The following TMEM26 variants were observed in gnomAD, a reference collection of about 807,000 sequenced individuals.
TMEM26 encodes the protein transmembrane protein 26.
Under a neutral mutation model 28.8 loss-of-function variants are expected in TMEM26, and 38 were observed. The ratio of observed to expected loss-of-function variants is 1.32; its 90% CI spans 1.02 to 1.73. The LOEUF is 1.73. TMEM26 is among the 40% of genes most tolerant of loss of function. TMEM26 has a pLI of 0.00. For missense variants in TMEM26, 518 were observed against 447.1 expected (o/e 1.16, Z -1.43); for synonymous variants, 227 against 182.9 (o/e 1.24, Z -1.95).
At chr10:61,421,713 TCA>T (rs1010108812) in intron 4 of TMEM26, among the ~76,000 whole-genome samples, 6 of 152,120 alleles carry the variant, frequency 3.9e-5, no homozygotes, top group Non-Finnish European at 2.9e-5. Context: ...AGATTCTTCT[TCA>T]GAGCCTCCAA....
chr10:61,451,981 G>T (rs1356126805), intron 1 of TMEM26, among the ~76,000 whole-genome samples: 1 of 100,940 alleles, frequency 9.9e-6, no homozygotes, highest in Non-Finnish European at 1.8e-5. Flanking sequence ...TATTTTTAAT[G>T]TATTGATATA....
At chr10:61,428,815 T>G in intron 4 of TMEM26, 111 bp downstream of exon 4, 1 of 909,424 alleles carries the variant, frequency 1.1e-6, no homozygotes, top group Non-Finnish European at 1.7e-6. Flanking sequence ...ACGTTGCATA[T>G]AAAATATACT....
intron 1 of TMEM26, among the ~76,000 whole-genome samples, chr10:61,451,287 G>A (rs57611437): frequency 6.6e-6 from 1 of 152,128 alleles, no homozygotes; most frequent in East Asian, 1.9e-4. Context: ...CACACAACAG[G>A]AATGTTTGAC....
At chr10:61,424,958 G>A (rs1296005437) in intron 4 of TMEM26, among the ~76,000 whole-genome samples, 1 of 152,140 alleles carries the variant, frequency 6.6e-6, no homozygotes, top group Admixed American at 6.5e-5. Context: ...AGAAATAAAT[G>A]TAAGAACTAA....
chr10:61,423,282 A>C (rs757932469), intron 4 of TMEM26, among the ~76,000 whole-genome samples: 3 of 152,206 alleles, frequency 2.0e-5, no homozygotes, highest in Non-Finnish European at 4.4e-5. Context: ...AAGAAGAAAT[A>C]AGACCAAACC....
intron 1 of TMEM26, among the ~76,000 whole-genome samples, chr10:61,451,482 C>T (rs1375010987): frequency 6.6e-6 from 1 of 152,166 alleles, no homozygotes. Flanking sequence ...TAAACCTACT[C>T]AGTCAAAGTT....
At chr10:61,434,632 C>A (rs1257967507) in intron 2 of TMEM26, among the ~76,000 whole-genome samples, 1 of 152,156 alleles carries the variant, frequency 6.6e-6, no homozygotes, top group African/African-American at 2.4e-5. Flanking sequence ...GTTACAAAAA[C>A]ACTTTTGCTA....
intron 3 of TMEM26, among the ~76,000 whole-genome samples, chr10:61,430,764 A>G (rs1178204284): frequency 6.6e-6 from 1 of 152,056 alleles, no homozygotes; most frequent in East Asian, 1.9e-4. Context: ...TAACAAACGC[A>G]CCACTGTGGT....
rs527927252 is a variant in TMEM26, at chr10:61,410,615, G to A, written c.814C>T (p.Arg272Cys). ...FIQDGPFLVV[R>C]LILMTYFKVI... ...TTGAAATAGGTCATCAGTATGAGACGCACGACAAGGAAGGGGCCATCTTGT... is the reference window on the plus strand; with the variant it reads ...TTGAAATAGGTCATCAGTATGAGACACACGACAAGGAAGGGGCCATCTTGT... The change falls in exon 6 of 6, where the codon CGT becomes TGT. Residue 272 changes from arginine to cysteine, a missense_variant. By Grantham distance (180) the Arg-to-Cys change is radical. Coordinates refer to ENST00000399298, the MANE Select transcript of TMEM26 (RefSeq NM_178505.8). 1 of 1,614,034 alleles carries A rather than the reference G, an allele frequency of 6.2e-7. No homozygotes were observed. Among genetic ancestry groups the A allele is most frequent in the African/African-American group, 1.3e-5 (1 of 75,010 alleles).
chr10:61,434,779 T>G (rs1839977195), intron 2 of TMEM26, among the ~76,000 whole-genome samples: 1 of 152,194 alleles, frequency 6.6e-6, no homozygotes, highest in South Asian at 2.1e-4. Context: ...AATTCCCCTT[T>G]GTGTGCCTAT....
intron 5 of TMEM26, chr10:61,412,943 T>C: frequency 1.5e-6 from 2 of 1,293,796 alleles, no homozygotes; most frequent in South Asian, 1.3e-5. Flanking sequence ...TCCAAGGACC[T>C]CCAATGAGGA....
chr10:61,413,416 G>T (rs769410505), intron 5 of TMEM26, 43 bp downstream of exon 5: 5 of 1,598,402 alleles, frequency 3.1e-6, no homozygotes, highest in Non-Finnish European at 3.4e-6. Context: ...ATAATCAAGA[G>T]GTGTAATTTT....
rs200813627 is a variant in TMEM26 at position 61,452,878 on chromosome 10, G to A, written c.191+13C>T. On this transcript the variant is annotated intron_variant, in intron 1 of 5. Transcript: ENST00000399298. ...GGGCCCCGTGCGCCCTCGCTTTCCC[G>A]GGGCACTCTCACCATTTGTAGCCTC... 3 of 1,605,236 alleles carry A rather than the reference G, an allele frequency of 1.9e-6. No homozygotes were observed. Among genetic ancestry groups the A allele is most frequent in the African/African-American group, 1.3e-5 (1 of 74,840 alleles).
At chr10:61,421,824 A>T (rs957965387) in intron 4 of TMEM26, among the ~76,000 whole-genome samples, 1 of 152,176 alleles carries the variant, frequency 6.6e-6, no homozygotes, top group South Asian at 2.1e-4. Context: ...ATTTTGCTAT[A>T]ATAGCCCTAG....
intron 4 of TMEM26, among the ~76,000 whole-genome samples, chr10:61,424,921 C>T (rs1241175199): frequency 1.3e-5 from 2 of 152,122 alleles, no homozygotes; most frequent in Non-Finnish European, 2.9e-5. Flanking sequence ...TCCCACTGTA[C>T]ACAAAAATTA....
At chr10:61,415,596 G>T (rs992546789) in intron 4 of TMEM26, among the ~76,000 whole-genome samples, 1 of 151,984 alleles carries the variant, frequency 6.6e-6, no homozygotes, top group Non-Finnish European at 1.5e-5. Flanking sequence ...GAGGAAATTT[G>T]TCCAAAATAA....
chr10:61,416,802 C>T (rs1278962415), intron 4 of TMEM26, among the ~76,000 whole-genome samples: 1 of 152,010 alleles, frequency 6.6e-6, no homozygotes, highest in Non-Finnish European at 1.5e-5. Flanking sequence ...CAACATGCTT[C>T]TTAAAATCTT....
chr10:61,417,642 G>A (rs1839675350), intron 4 of TMEM26, among the ~76,000 whole-genome samples: 2 of 151,868 alleles, frequency 1.3e-5, no homozygotes, highest in African/African-American at 4.8e-5. Flanking sequence ...CATAAGAAGA[G>A]TCTCCTTTGT....
At position 61,453,195 on chromosome 10, in the gene TMEM26, C is replaced by T; in HGVS notation, c.-114G>A. On this transcript the variant is annotated 5_prime_UTR_variant, in exon 1 of 6. Coordinates refer to ENST00000399298, the MANE Select transcript of TMEM26 (RefSeq NM_178505.8). ...TGACAAGCACTGAGACCTGCTGCTG[C>T]TTGTGGTCCCTTCTCACCCTCAGCG... The T allele has an allele frequency of 1.8e-6, 2 of 1,114,550 alleles. No individual in the cohort carries two copies. The highest frequency in any genetic ancestry group is 2.5e-6 in the Non-Finnish European group (2 of 787,058). 69.0% of individuals were successfully genotyped at this position (1,114,550 alleles called of 1,614,324 possible).
Sources: allele counts gnomAD v4.1 joint callset (sites outside exome capture counted in the v4.1 genomes callset), GRCh38; gene constraint gnomAD v4.1.1; transcripts MANE v1.5; gene names NCBI Gene and HGNC (gene_info 2026-07-23, HGNC 2026-07-21).